MYT1L: variants seen among roughly 807,000 people sequenced by gnomAD.
MYT1L encodes the protein myelin transcription factor 1-like protein.
Under a neutral mutation model 126.7 loss-of-function variants are expected in MYT1L, and 12 were observed. The ratio of observed to expected loss-of-function variants is 0.09; its 90% CI spans 0.06 to 0.15. The LOEUF (loss-of-function observed/expected upper bound fraction) is 0.15, where lower values mean the gene tolerates loss of function less well. Ranked by LOEUF, MYT1L falls within the 10% of genes least tolerant of loss-of-function variation. The pLI, the probability that MYT1L is intolerant of heterozygous loss-of-function variation, is 1.00. For missense variants in MYT1L, 979 were observed against 1,585.2 expected (o/e 0.62, Z 6.49); for synonymous variants, 541 against 604.2 (o/e 0.90, Z 1.53).
chr2:1,850,320 G>A (rs1051098742), intron 19 of MYT1L, among the ~76,000 whole-genome samples: 3 of 151,374 alleles, frequency 2.0e-5, no homozygotes, highest in Non-Finnish European at 4.4e-5. Flanking sequence ...ATCTGCGTCT[G>A]GACTGCGTAC....
intron 2 of MYT1L, 114 bp from the exon 3 acceptor site, chr2:2,173,102 T>C (rs903184409): frequency 6.6e-6 from 1 of 152,256 alleles, no homozygotes; most frequent in Non-Finnish European, 1.5e-5. Context: ...TCAAGATAGG[T>C]AACTGCACCT....
Position 1,790,837 on chromosome 2 carries a change from A to C in MYT1L, c.*1030T>G, listed in dbSNP as rs1039002160. 2 of 161,606 alleles carry C rather than the reference A, an allele frequency of 1.2e-5. No homozygotes were observed. Among genetic ancestry groups the C allele is most frequent in the Non-Finnish European group, 2.7e-5 (2 of 73,336 alleles). The allele number at this position is 161,606 out of a possible 1,614,324, so 10.0% of individuals were successfully genotyped here. On this transcript the variant is annotated 3_prime_UTR_variant, in exon 25 of 25. Coordinates refer to ENST00000647738, the MANE Select transcript of MYT1L (RefSeq NM_001303052.2). ...AAGGTTCATAACAATAATAGGAATAATCATAATTTTTTAAAGTGAAAAGGG... is the reference window on the plus strand; with the variant it reads ...AAGGTTCATAACAATAATAGGAATACTCATAATTTTTTAAAGTGAAAAGGG...
chr2:2,034,383 C>G (rs1445146593), intron 4 of MYT1L, among the ~76,000 whole-genome samples: 4 of 57,002 alleles, frequency 7.0e-5, no homozygotes, highest in Non-Finnish European at 1.3e-4. Flanking sequence ...AAGAGAGCTC[C>G]TAACTTCTCC....
At chr2:1,842,025 T>C (rs1471285828) in intron 19 of MYT1L, 1 of 152,244 alleles carries the variant, frequency 6.6e-6, no homozygotes, top group African/African-American at 2.4e-5. Context: ...ATGGGATTTT[T>C]GGAAAAGAAT....
chr2:2,152,381 G>T (rs1415987582), intron 3 of MYT1L, among the ~76,000 whole-genome samples: 3 of 152,210 alleles, frequency 2.0e-5, no homozygotes, highest in Non-Finnish European at 4.4e-5. Context: ...TTTCCATTTG[G>T]CATTCTCAAA....
intron 14 of MYT1L, among the ~76,000 whole-genome samples, chr2:1,901,337 T>C (rs1167707971): frequency 6.6e-6 from 1 of 152,236 alleles, no homozygotes; most frequent in East Asian, 1.9e-4. Context: ...AGAACGTCAA[T>C]GAATTGGAAA....
intron 3 of MYT1L, among the ~76,000 whole-genome samples, chr2:2,086,472 G>T (rs7570332): frequency 0.017 from 2,642 of 152,290 alleles, 79 homozygotes; most frequent in African/African-American, 0.059. Context: ...TCTCGGAACA[G>T]AAAAAAGCCT....
chr2:2,286,346 A>G (rs115050136), intron 1 of MYT1L, among the ~76,000 whole-genome samples: 2,484 of 152,252 alleles, frequency 0.016, 59 homozygotes, highest in African/African-American at 0.047. Context: ...ACACACAGAA[A>G]CTTTCTCTTT....
At chr2:1,884,155 T>C (rs1402843505) in intron 18 of MYT1L, 1 of 152,220 alleles carries the variant, frequency 6.6e-6, no homozygotes, top group Non-Finnish European at 1.5e-5. Flanking sequence ...TCCAGAAAGT[T>C]CCATTTGTTA....
At chr2:2,199,461 C>A (rs1354619491) in intron 2 of MYT1L, among the ~76,000 whole-genome samples, 2 of 152,084 alleles carry the variant, frequency 1.3e-5, no homozygotes, top group Non-Finnish European at 2.9e-5. Context: ...ATAGCGTGAT[C>A]CCCCGTCACA....
At chr2:1,888,195 G>A (rs2048386783) in intron 16 of MYT1L, among the ~76,000 whole-genome samples, 1 of 152,146 alleles carries the variant, frequency 6.6e-6, no homozygotes. Context: ...TAGATACATG[G>A]GAAGGTTTGT....
intron 2 of MYT1L, among the ~76,000 whole-genome samples, chr2:2,227,694 T>C (rs6760501): frequency 0.018 from 2,792 of 152,278 alleles, 76 homozygotes; most frequent in African/African-American, 0.064. Flanking sequence ...GGATAGTGGT[T>C]CAAATATGTT....
At chr2:2,004,683 C>T (rs1287534879) in intron 4 of MYT1L, among the ~76,000 whole-genome samples, 1 of 145,022 alleles carries the variant, frequency 6.9e-6, no homozygotes, top group African/African-American at 2.6e-5. Context: ...GCCTTCTTTC[C>T]TGCGTGCATT....
intron 3 of MYT1L, among the ~76,000 whole-genome samples, chr2:2,158,648 C>CGTGT (rs1553518952): frequency 2.0e-5 from 3 of 149,524 alleles, no homozygotes; most frequent in Admixed American, 6.6e-5. Context: ...CACACACACA[C>CGTGT]GCGTAGGTGG....
intron 3 of MYT1L, among the ~76,000 whole-genome samples, chr2:2,165,602 G>A (rs1301507016): frequency 6.6e-6 from 1 of 152,032 alleles, no homozygotes; most frequent in Non-Finnish European, 1.5e-5. Flanking sequence ...CTGTTTTAAT[G>A]TATAAAACAT....
intron 2 of MYT1L, among the ~76,000 whole-genome samples, chr2:2,229,790 G>T (rs1357612548): frequency 6.6e-6 from 1 of 152,020 alleles, no homozygotes; most frequent in Non-Finnish European, 1.5e-5. Context: ...TGCTCCCATG[G>T]TGTGTGTAAA....
intron 5 of MYT1L, among the ~76,000 whole-genome samples, chr2:1,980,031 T>C (rs1230622231): frequency 6.6e-6 from 1 of 152,132 alleles, no homozygotes; most frequent in Non-Finnish European, 1.5e-5. Flanking sequence ...GGGGTAGATT[T>C]TGATGAATCT....
In MYT1L at chr2:2,227,087, C is replaced by T. The variant is rs904350390; in HGVS notation, c.-420-54099G>A. ...ATGTGTGCTTCTGATTTCCAGGACA[C>T]CACTCTCCTGGATCCCTTCCACCCT... On this transcript the variant is annotated intron_variant, in intron 2 of 24. Coordinates refer to ENST00000647738, the MANE Select transcript of MYT1L (RefSeq NM_001303052.2). Among the ~76,000 whole-genome samples the T allele has an allele frequency of 2.6e-5, 4 of 152,104 alleles. No homozygotes were observed. The East Asian group carries it at 5.8e-4, about 22-fold the overall frequency.
chr2:2,139,852 C>A (rs55851910), intron 3 of MYT1L, among the ~76,000 whole-genome samples: 1 of 152,036 alleles, frequency 6.6e-6, no homozygotes, highest in African/African-American at 2.4e-5. Flanking sequence ...AAGTTACTCA[C>A]ATTCTTGAAA....
Sources: allele counts gnomAD v4.1 joint callset (sites outside exome capture counted in the v4.1 genomes callset), GRCh38; gene constraint gnomAD v4.1.1; transcripts MANE v1.5; gene names NCBI Gene and HGNC (gene_info 2026-07-23, HGNC 2026-07-21).